CEP128: variants seen among roughly 807,000 people sequenced by gnomAD.
CEP128 encodes the protein centrosomal protein 128, also known as centrosomal protein 128kDa.
In CEP128, 132 loss-of-function variants were observed where a neutral mutation model predicts 156.7. That is an observed-to-expected ratio of 0.84 (90% confidence interval 0.73 to 0.97). The LOEUF is 0.97. CEP128 is among the 50% of genes least tolerant of loss of function. The probability of loss-of-function intolerance (pLI) is 0.00; values close to 1 mark genes in which losing one functional copy is unlikely to be tolerated. For synonymous variants in CEP128, 469 were observed against 448.9 expected (o/e 1.04, Z -0.57); for missense variants, 1,252 against 1,281.9 (o/e 0.98, Z 0.36).
At chr14:80,863,566 T>A (rs921530576) in intron 8 of CEP128, among the ~76,000 whole-genome samples, 1 of 152,216 alleles carries the variant, frequency 6.6e-6, no homozygotes, top group Admixed American at 6.5e-5. Flanking sequence ...AATTCAAACA[T>A]ATCTCATGTA....
chr14:80,681,990 C>T (rs10139021), intron 19 of CEP128, among the ~76,000 whole-genome samples: 17,942 of 152,098 alleles, frequency 0.12, 1,418 homozygotes, highest in South Asian at 0.24. Flanking sequence ...CACCTGCAGT[C>T]CTAGCTACTC....
chr14:80,669,467 G>GA lies in CEP128; in HGVS notation c.2806+73607dup, dbSNP rs538757992. On this transcript the variant is annotated intron_variant, in intron 19 of 24. Coordinates refer to ENST00000555265, the MANE Select transcript of CEP128 (RefSeq NM_152446.5). The stretch of plus-strand genomic sequence containing the variant: ...ATGAAAGTCAAACAGCTCAACAGAA[G>GA]AAAAAAAAACAGAAATAACCTCATT... 5.1e-3 allele frequency among the ~76,000 whole-genome samples: 757 copies of GA among 148,942 alleles called. 4 individuals are homozygous for GA. Among genetic ancestry groups the GA allele is most frequent in the African/African-American group, 0.015 (594 of 40,556 alleles).
chr14:80,743,794 A>G (rs1898955622), intron 18 of CEP128, among the ~76,000 whole-genome samples: 1 of 152,134 alleles, frequency 6.6e-6, no homozygotes, highest in African/African-American at 2.4e-5. Flanking sequence ...GACACAAGGA[A>G]AGTGAATTCT....
chr14:80,906,957 T>C (rs550198740), intron 4 of CEP128, among the ~76,000 whole-genome samples: 1 of 152,344 alleles, frequency 6.6e-6, no homozygotes, highest in Non-Finnish European at 1.5e-5. Flanking sequence ...ACAAGTCATC[T>C]ATAACTCTTT....
chr14:80,831,475 T>C (rs1358509705), intron 12 of CEP128, among the ~76,000 whole-genome samples, 181 bp from the exon 13 acceptor site: 2 of 152,152 alleles, frequency 1.3e-5, no homozygotes, highest in African/African-American at 2.4e-5. Flanking sequence ...AACATATACA[T>C]TGCTATATCA....
downstream of CEP128, among the ~76,000 whole-genome samples, chr14:80,494,682 GA>G (rs1887432720): frequency 6.6e-6 from 1 of 152,124 alleles, no homozygotes; most frequent in Non-Finnish European, 1.5e-5. Flanking sequence ...TGCCATACTT[GA>G]AAGGAGAAAA....
At chr14:80,847,843 A>G (rs751250576) in intron 9 of CEP128, among the ~76,000 whole-genome samples, 21 of 152,256 alleles carry the variant, frequency 1.4e-4, no homozygotes, top group Non-Finnish European at 2.2e-4. Flanking sequence ...TATTTTAGGT[A>G]TCTTTAAATC....
intron 3 of CEP128, among the ~76,000 whole-genome samples, chr14:80,915,661 A>T (rs1566713766): frequency 6.6e-6 from 1 of 152,100 alleles, no homozygotes; most frequent in Non-Finnish European, 1.5e-5. Context: ...GCACCTCTTT[A>T]TTTTCACCCA....
chr14:80,840,839 T>C, intron 9 of CEP128, 71 bp from the exon 10 acceptor site: 1 of 929,946 alleles, frequency 1.1e-6, no homozygotes, highest in Non-Finnish European at 1.8e-6. Flanking sequence ...CTAGAATTTA[T>C]TATGTATTAG....
chr14:80,952,513 A>G (rs1357960737), intron 2 of CEP128, among the ~76,000 whole-genome samples: 4 of 152,140 alleles, frequency 2.6e-5, no homozygotes, highest in African/African-American at 9.7e-5. Flanking sequence ...AGTATAGGGA[A>G]AGTCTACAGC....
intron 21 of CEP128, among the ~76,000 whole-genome samples, chr14:80,533,165 T>C (rs999952739): frequency 1.3e-5 from 2 of 152,172 alleles, no homozygotes; most frequent in Admixed American, 6.5e-5. Context: ...TATGCCATAT[T>C]CATTTAAATA....
chr14:80,479,520 T>C (rs1018994002), intron 14 of CEP128, among the ~76,000 whole-genome samples: 1 of 152,166 alleles, frequency 6.6e-6, no homozygotes, highest in Non-Finnish European at 1.5e-5. Flanking sequence ...ATGAGACTTA[T>C]TCACTATCAT....
At chr14:80,563,916 G>T (rs771662915) in intron 20 of CEP128, among the ~76,000 whole-genome samples, 1 of 152,116 alleles carries the variant, frequency 6.6e-6, no homozygotes, top group Non-Finnish European at 1.5e-5. Flanking sequence ...TACACTAAAT[G>T]TATTTATTTC....
intron 20 of CEP128, among the ~76,000 whole-genome samples, chr14:80,561,600 T>A (rs1890675755): frequency 6.6e-6 from 1 of 152,194 alleles, no homozygotes; most frequent in South Asian, 2.1e-4. Context: ...GGCCTTAAGT[T>A]TTCCCTATAC....
Position 80,935,637 on chromosome 14 carries a change from TC to T in CEP128, c.-16+3747del, listed in dbSNP as rs1384032697. Among the ~76,000 whole-genome samples the T allele has an allele frequency of 5.2e-3, 116 of 22,468 alleles. 1 individual carries two copies. The highest frequency in any genetic ancestry group is 0.02 in the African/African-American group (109 of 5,322). The allele number at this position is 22,468 out of a possible 152,430, so 14.7% of individuals were successfully genotyped here. On this transcript the variant is annotated intron_variant, in intron 2 of 24. Transcript: ENST00000555265. ...CTTATTGTTGTATTCAAGCTATGAG[TC>T]CCCCCACCAAAAAAAAAAAAAAAAA...
downstream of CEP128, among the ~76,000 whole-genome samples, chr14:80,485,837 G>C (rs1406958160): frequency 6.6e-6 from 1 of 152,180 alleles, no homozygotes; most frequent in Non-Finnish European, 1.5e-5. Context: ...ATGATGGGAA[G>C]TTTTTCCAAA....
rs561329312 is a variant in CEP128, at chr14:80,817,749, C to T, written c.1209+13394G>A. Among the ~76,000 whole-genome samples the T allele has an allele frequency of 3.9e-5, 6 of 152,008 alleles. 1 individual carries two copies. Among genetic ancestry groups the T allele is most frequent in the African/African-American group, 1.4e-4 (6 of 41,476 alleles). ...ACAAAAAATTAGCCAGGTGTGGTGG[C>T]ACGCGCCTGTAGTCCTGGCTACTCG... On this transcript the variant is annotated intron_variant, in intron 13 of 24. Coordinates refer to ENST00000555265, the MANE Select transcript of CEP128 (RefSeq NM_152446.5).
At chr14:80,591,504 A>G (rs1892067761) in intron 19 of CEP128, among the ~76,000 whole-genome samples, 1 of 152,296 alleles carries the variant, frequency 6.6e-6, no homozygotes, top group South Asian at 2.1e-4. Flanking sequence ...AGATCCATAA[A>G]GCAAATTCTT....
intron 6 of CEP128, among the ~76,000 whole-genome samples, chr14:80,903,154 A>G (rs950534366): frequency 1.3e-5 from 2 of 152,164 alleles, no homozygotes; most frequent in African/African-American, 4.8e-5. Context: ...CTAGAAAAAA[A>G]CAGATGCATC....
Sources: allele counts gnomAD v4.1 joint callset (sites outside exome capture counted in the v4.1 genomes callset), GRCh38; gene constraint gnomAD v4.1.1; transcripts MANE v1.5; gene names NCBI Gene and HGNC (gene_info 2026-07-23, HGNC 2026-07-21).